Variants in CTNNA3 observed in about 807,000 individuals in gnomAD.
The protein encoded by CTNNA3 is catenin alpha 3, also known as catenin alpha-3.
Under a neutral mutation model 95.7 loss-of-function variants are expected in CTNNA3, and 76 were observed. That is an observed-to-expected ratio of 0.79 (90% CI 0.66 to 0.96). The LOEUF is 0.96. Among genes scored for constraint, CTNNA3 ranks in the 40% least tolerant of loss-of-function variants. The pLI, the probability that CTNNA3 is intolerant of heterozygous loss-of-function variation, is 0.00. For synonymous variants in CTNNA3, 431 were observed against 374.4 expected (o/e 1.15, Z -1.74); for missense variants, 1,191 against 1,089.8 (o/e 1.09, Z -1.31).
At chr10:66,767,045 C>A (rs1003260173) in intron 8 of CTNNA3, among the ~76,000 whole-genome samples, 6 of 152,126 alleles carry the variant, frequency 3.9e-5, no homozygotes, top group Non-Finnish European at 7.4e-5. Context: ...TACATGTAAG[C>A]TTATTAATGA....
rs1203649348 is a variant in CTNNA3, at chr10:66,374,637, C to T, written c.1732+4515G>A. 2.8e-3 allele frequency among the ~76,000 whole-genome samples: 269 copies of T among 95,426 alleles called. 1 individual carries two copies. The highest frequency in any genetic ancestry group is 0.011 in the African/African-American group (252 of 23,902). The allele number at this position is 95,426 out of a possible 152,430, so 62.6% of individuals were successfully genotyped here. ...TTTTTTTTTTTTTTTTTTTTTGAGACGGAGTCTCGCTCTGTCACCCCTGCT... is the reference window on the plus strand; with the variant it reads ...TTTTTTTTTTTTTTTTTTTTTGAGATGGAGTCTCGCTCTGTCACCCCTGCT... On this transcript the variant is annotated intron_variant, in intron 12 of 17. Coordinates refer to ENST00000433211, the MANE Select transcript of CTNNA3 (RefSeq NM_013266.4).
intron 7 of CTNNA3, among the ~76,000 whole-genome samples, chr10:66,991,053 C>A (rs1425310494): frequency 1.3e-5 from 2 of 152,130 alleles, no homozygotes. Flanking sequence ...ACAAGTCTTA[C>A]AAGACACGCT....
At chr10:67,281,909 T>G (rs1361533212) in intron 5 of CTNNA3, among the ~76,000 whole-genome samples, 1 of 152,160 alleles carries the variant, frequency 6.6e-6, no homozygotes, top group Non-Finnish European at 1.5e-5. Context: ...ATAAGATGCA[T>G]TCATTCATTC....
chr10:66,883,990 G>A (rs958330575), intron 7 of CTNNA3, among the ~76,000 whole-genome samples: 1 of 152,082 alleles, frequency 6.6e-6, no homozygotes, highest in Non-Finnish European at 1.5e-5. Flanking sequence ...TGCATCTGGT[G>A]AAGGCCTCAG....
At chr10:67,700,925 G>A (rs910935085), upstream of CTNNA3, among the ~76,000 whole-genome samples, 5 of 152,180 alleles carry the variant, frequency 3.3e-5, no homozygotes, top group African/African-American at 9.6e-5. Context: ...ACAGAGAAGT[G>A]CTTAAAGGAG....
chr10:66,645,362 G>C (rs1845670618), intron 9 of CTNNA3, among the ~76,000 whole-genome samples: 1 of 151,950 alleles, frequency 6.6e-6, no homozygotes, highest in African/African-American at 2.4e-5. Context: ...CTTTGTCTCT[G>C]ATCCATTTTG....
At chr10:66,090,047 T>A (rs1564632545) in intron 14 of CTNNA3, among the ~76,000 whole-genome samples, 1 of 152,040 alleles carries the variant, frequency 6.6e-6, no homozygotes, top group African/African-American at 2.4e-5. Flanking sequence ...CGTGACTACA[T>A]AATTGCAAGC....
At chr10:66,906,621 G>T (rs1845997611) in intron 7 of CTNNA3, among the ~76,000 whole-genome samples, 1 of 151,990 alleles carries the variant, frequency 6.6e-6, no homozygotes. Context: ...AACTACTTTT[G>T]ATCCTGTTTC....
chr10:66,179,870 A>G (rs1210087610), intron 13 of CTNNA3, among the ~76,000 whole-genome samples: 1 of 152,164 alleles, frequency 6.6e-6, no homozygotes, highest in Admixed American at 6.5e-5. Context: ...CCATCTGTCT[A>G]TTATGAAAAA....
At chr10:66,299,638 C>A (rs1016405027) in intron 12 of CTNNA3, among the ~76,000 whole-genome samples, 2 of 152,098 alleles carry the variant, frequency 1.3e-5, no homozygotes, top group African/African-American at 4.8e-5. Context: ...TAAATCTATA[C>A]TATCCATTCA....
chr10:66,934,386 T>C (rs17231553), intron 7 of CTNNA3, among the ~76,000 whole-genome samples: 25,408 of 151,990 alleles, frequency 0.17, 2,214 homozygotes, highest in Middle Eastern at 0.18. Flanking sequence ...CACCAAAAAA[T>C]GTCTTCCTTT....
chr10:67,469,502 C>T (rs1847735552), intron 5 of CTNNA3, among the ~76,000 whole-genome samples: 2 of 149,054 alleles, frequency 1.3e-5, no homozygotes, highest in Non-Finnish European at 3.0e-5. Flanking sequence ...AAAACGAACA[C>T]AGGAAAACAG....
chr10:67,755,819 A>AAAAAAAAAAAAAAAAAG (rs1554881122), intron 1 of CTNNA3, among the ~76,000 whole-genome samples: 3 of 145,154 alleles, frequency 2.1e-5, no homozygotes, highest in East Asian at 2.0e-4. Context: ...AAAAAAAAAA[A>AAAAAAAAAAAAAAAAAG]AAAGAAAGAA....
chr10:67,478,203 C>A (rs1456383340), intron 5 of CTNNA3, among the ~76,000 whole-genome samples: 1 of 152,060 alleles, frequency 6.6e-6, no homozygotes, highest in Admixed American at 6.5e-5. Flanking sequence ...TGACCAAAAC[C>A]ATGAATTATC....
intron 5 of CTNNA3, among the ~76,000 whole-genome samples, chr10:67,337,786 G>A (rs1230244687): frequency 6.6e-6 from 1 of 152,086 alleles, no homozygotes; most frequent in Non-Finnish European, 1.5e-5. Context: ...ATCCACTGAA[G>A]GCTCAAATGA....
At chr10:67,760,784 G>T (rs887808402) in intron 1 of CTNNA3, among the ~76,000 whole-genome samples, 2 of 152,154 alleles carry the variant, frequency 1.3e-5, no homozygotes, top group Non-Finnish European at 2.9e-5. Context: ...GATGTAGGTT[G>T]TGTGTTCCTT....
At chr10:67,264,981 T>C (rs1382144159) in intron 5 of CTNNA3, among the ~76,000 whole-genome samples, 2 of 152,176 alleles carry the variant, frequency 1.3e-5, no homozygotes, top group East Asian at 3.9e-4. Context: ...GGTAAATTTT[T>C]GAAATCAGTC....
At chr10:67,602,046 A>G (rs1447989452) in intron 3 of CTNNA3, among the ~76,000 whole-genome samples, 1 of 152,216 alleles carries the variant, frequency 6.6e-6, no homozygotes, top group Non-Finnish European at 1.5e-5. Context: ...AGTTTTCTAA[A>G]TTGGTCTCAA....
intron 7 of CTNNA3, among the ~76,000 whole-genome samples, chr10:66,838,628 C>G (rs866680539): frequency 2.0e-5 from 3 of 152,030 alleles, no homozygotes; most frequent in Admixed American, 6.6e-5. Flanking sequence ...AATACATTTG[C>G]CCACCTGCCC....
Sources: gnomAD v4.1 joint callset for allele counts (sites outside exome capture counted in the v4.1 genomes callset) on GRCh38, gnomAD v4.1.1 for gene constraint, MANE v1.5 for transcripts, NCBI Gene and HGNC (gene_info 2026-07-23, HGNC 2026-07-21) for gene names.